The following CFH variants were observed in gnomAD, a reference collection of about 807,000 sequenced individuals.
The protein encoded by CFH is complement factor H.
Under a neutral mutation model 147.3 loss-of-function variants are expected in CFH, and 53 were observed. The ratio of observed to expected loss-of-function variants is 0.36; its 90% CI spans 0.29 to 0.45. The LOEUF is 0.45. Ranked by LOEUF, CFH falls within the 20% of genes least tolerant of loss-of-function variation. The pLI is 1.00. For synonymous variants in CFH, 536 were observed against 489.4 expected (o/e 1.10, Z -1.26); for missense variants, 1,380 against 1,498.0 (o/e 0.92, Z 1.30).
chr1:196,689,051 T>G lies in CFH; in HGVS notation c.965-369T>G, dbSNP rs551612253. On this transcript the variant is annotated intron_variant, in intron 7 of 21. Coordinates refer to ENST00000367429, the MANE Select transcript of CFH (RefSeq NM_000186.4). ...AAAAAGAAAGAAAGAAAGAAAGAAA[T>G]ACATGAGCTAAGCGGTAAAATTGGC... 1.3e-4 allele frequency among the ~76,000 whole-genome samples: 19 copies of G among 151,092 alleles called. 1 individual carries two copies. The South Asian group carries it at 4.0e-3, about 32-fold the overall frequency.
intron 8 of CFH, 97 bp from the exon 9 acceptor site, chr1:196,689,966 C>T: frequency 7.6e-7 from 1 of 1,312,526 alleles, no homozygotes; most frequent in South Asian, 1.5e-5. Flanking sequence ...TTTATGCAAT[C>T]TTATTTAAAT....
At chr1:196,671,587 T>TACACAC (rs551313147) in intron 1 of CFH, among the ~76,000 whole-genome samples, 15,741 of 129,330 alleles carry the variant, frequency 0.12, 1,008 homozygotes, top group East Asian at 0.27. Flanking sequence ...AAAAGACTAA[T>TACACAC]ACACACACAC....
intron 11 of CFH, among the ~76,000 whole-genome samples, chr1:196,719,168 A>G (rs1558175706): frequency 6.6e-6 from 1 of 152,006 alleles, no homozygotes; most frequent in Non-Finnish European, 1.5e-5. Context: ...TTTCTAATTC[A>G]TGGAGTGTCC....
Position 196,690,142 on chromosome 1 carries a change from C to A in CFH, c.1239C>A (p.Asp413Glu). Residue 413 changes from aspartate to glutamate, a missense_variant, in exon 9 of 22, where the codon GAC becomes GAA. This residue lies in a region of CFH where 830 missense variants were observed against 821.4 expected (regional missense o/e 1.01). Coordinates refer to ENST00000367429, the MANE Select transcript of CFH (RefSeq NM_000186.4). ...AGTTTGTACAGGGTAAATCTATAGACGTTGCCTGCCATCCTGGCTACGCTC... is the reference window on the plus strand; with the variant it reads ...AGTTTGTACAGGGTAAATCTATAGAAGTTGCCTGCCATCCTGGCTACGCTC... The part of the protein sequence containing the change: ...GRKFVQGKSI[D>E]VACHPGYALP... 6.2e-7 allele frequency: 1 copy of A among 1,613,160 alleles called. No homozygotes were observed.
At chr1:196,694,539 C>T (rs989403429) in intron 9 of CFH, among the ~76,000 whole-genome samples, 1 of 152,136 alleles carries the variant, frequency 6.6e-6, no homozygotes, top group African/African-American at 2.4e-5. Context: ...ATTGCTGGGT[C>T]AAATGGTATC....
rs758899400 is a variant in CFH, at chr1:196,745,698, C to T, written c.3311-119C>T. Reference sequence around the variant, plus strand: ...AATTTCTTCCAGGACTCATTTCTTTCACCAGAAATCACAAAACTGTTGATA... The same window carrying T: ...AATTTCTTCCAGGACTCATTTCTTTTACCAGAAATCACAAAACTGTTGATA... On this transcript the variant is annotated intron_variant, in intron 20 of 21. Transcript: ENST00000367429. 3.5e-5 allele frequency: 49 copies of T among 1,403,272 alleles called. No individual in the cohort carries two copies. In the East Asian group the frequency reaches 3.7e-4, roughly 11 times the overall value. The allele number at this position is 1,403,272 out of a possible 1,614,324, so 86.9% of individuals were successfully genotyped here. A position where few individuals can be genotyped will look rare whatever the true frequency, so the allele number is the denominator to read the frequency against.
At chr1:196,708,637 C>A (rs554697517) in intron 9 of CFH, among the ~76,000 whole-genome samples, 11 of 152,066 alleles carry the variant, frequency 7.2e-5, no homozygotes, top group Non-Finnish European at 1.6e-4. Flanking sequence ...ATAAATGCAC[C>A]CTTGAGGGCT....
chr1:196,706,612 G>A (rs867639802), intron 9 of CFH, among the ~76,000 whole-genome samples: 4 of 152,182 alleles, frequency 2.6e-5, no homozygotes, highest in African/African-American at 9.6e-5. Context: ...CGGAAGAAAA[G>A]GTTCTGGTGC....
At chr1:196,675,138 CTT>C (rs1667412421) in intron 3 of CFH, among the ~76,000 whole-genome samples, 1 of 152,142 alleles carries the variant, frequency 6.6e-6, no homozygotes, top group Admixed American at 6.5e-5. Context: ...TGTGTCCTCT[CTT>C]TAAGTTCAGC....
chr1:196,702,846 AG>A (rs1345774525), intron 9 of CFH, among the ~76,000 whole-genome samples: 9 of 152,104 alleles, frequency 5.9e-5, no homozygotes, highest in African/African-American at 2.2e-4. Context: ...GCCCAAGCAA[AG>A]GAGTCTCAGT....
At chr1:196,738,009 G>A (rs1558183551) in intron 17 of CFH, among the ~76,000 whole-genome samples, 1 of 152,102 alleles carries the variant, frequency 6.6e-6, no homozygotes, top group Admixed American at 6.5e-5. Flanking sequence ...GAGGTCTTAG[G>A]AAACTTACAA....
chr1:196,747,151 C>T lies in CFH; in HGVS notation c.3534C>T (p.Asn1178=). 6.2e-7 allele frequency: 1 copy of T among 1,613,740 alleles called. No individual in the cohort carries two copies. The highest frequency in any genetic ancestry group is 8.5e-7 in the Non-Finnish European group (1 of 1,179,814). The change falls in exon 22 of 22, where the codon AAC becomes AAT. Residue 1178 remains asparagine (N), a synonymous_variant. Transcript: ENST00000367429. ...CCCGAGAAATTATGGAAAATTATAA[C>T]ATAGCATTAAGGTGGACAGCCAAAC... ...VISREIMENY[N]IALRWTAKQK...
intron 14 of CFH, among the ~76,000 whole-genome samples, chr1:196,727,882 C>T (rs1023674594): frequency 2.0e-5 from 3 of 152,116 alleles, no homozygotes; most frequent in African/African-American, 7.2e-5. Flanking sequence ...TCTTGATCAG[C>T]AAGAAGGCAA....
chr1:196,662,879 A>C (rs941878196), intron 1 of CFH, among the ~76,000 whole-genome samples: 1 of 151,730 alleles, frequency 6.6e-6, no homozygotes, highest in Non-Finnish European at 1.5e-5. Context: ...CTTGTCAAAA[A>C]ATAAAATAAA....
chr1:196,715,615 T>G lies in CFH; in HGVS notation c.1542T>G (p.Phe514Leu). The change falls in exon 11 of 22, where the codon TTT becomes TTG. Residue 514 changes from phenylalanine to leucine, a missense_variant. By Grantham distance (22) the Phe-to-Leu change is conservative. Transcript: ENST00000367429. The stretch of plus-strand genomic sequence containing the variant: ...TAGAATCTTGTGATATCCCAGTATT[T>G]ATGAATGCCAGAACTAAAAATGACT... ...TCIKSCDIPV[F>L]MNARTKNDFT... is the part of the protein sequence containing the mutation. The G allele has an allele frequency of 6.2e-7, 1 of 1,612,466 alleles. No individual in the cohort carries two copies. The highest frequency in any genetic ancestry group is 8.5e-7 in the Non-Finnish European group (1 of 1,178,940).
intron 1 of CFH, among the ~76,000 whole-genome samples, chr1:196,656,761 T>A (rs1390618189): frequency 6.6e-6 from 1 of 151,640 alleles, no homozygotes; most frequent in African/African-American, 2.4e-5. Flanking sequence ...TTTTTGTGAC[T>A]GGAACAATAA....
chr1:196,672,530 A>G (rs915489306), intron 1 of CFH, among the ~76,000 whole-genome samples: 1 of 152,166 alleles, frequency 6.6e-6, no homozygotes, highest in Non-Finnish European at 1.5e-5. Flanking sequence ...CATCTCTTTG[A>G]TTACTTAATA....
intron 9 of CFH, among the ~76,000 whole-genome samples, chr1:196,702,956 GAA>G (rs1668497832): frequency 6.6e-6 from 1 of 152,140 alleles, no homozygotes; most frequent in African/African-American, 2.4e-5. Flanking sequence ...TATTGACCCA[GAA>G]GCCCCAGAAA....
intron 10 of CFH, among the ~76,000 whole-genome samples, 194 bp downstream of exon 10, chr1:196,714,111 G>A (rs555852886): frequency 4.6e-5 from 7 of 151,904 alleles, no homozygotes; most frequent in Non-Finnish European, 7.4e-5. Context: ...TTCCATTCAG[G>A]CTTTTCCTAC....
Sources: allele counts gnomAD v4.1 joint callset (sites outside exome capture counted in the v4.1 genomes callset), GRCh38; gene constraint gnomAD v4.1.1; regional missense constraint gnomAD v4.1.1; transcripts MANE v1.5; gene names NCBI Gene and HGNC (gene_info 2026-07-23, HGNC 2026-07-21).